PLXNA4: variants seen among roughly 807,000 people sequenced by gnomAD.
PLXNA4 encodes plexin-A4.
In PLXNA4, 44 loss-of-function variants were observed where a neutral mutation model predicts 191.8. That is an observed-to-expected ratio of 0.23 (90% CI 0.18 to 0.29). The LOEUF (loss-of-function observed/expected upper bound fraction) is 0.29. Among genes scored for constraint, PLXNA4 ranks in the 10% least tolerant of loss-of-function variants. PLXNA4 has a pLI of 1.00. For synonymous variants in PLXNA4, 1,082 were observed against 1,009.5 expected (o/e 1.07, Z -1.36); for missense variants, 1,800 against 2,488.8 (o/e 0.72, Z 5.89).
intron 9 of PLXNA4, among the ~76,000 whole-genome samples, chr7:132,216,721 A>G (rs1487577057): frequency 2.6e-5 from 4 of 152,202 alleles, no homozygotes; most frequent in Non-Finnish European, 5.9e-5. Flanking sequence ...TTCTAGATAA[A>G]GACACTAAGG....
At chr7:132,563,802 CCTT>C (rs1641912770) in intron 1 of PLXNA4, among the ~76,000 whole-genome samples, 2 of 99,506 alleles carry the variant, frequency 2.0e-5, no homozygotes, top group Non-Finnish European at 4.2e-5. Context: ...TTCTCCTCCT[CCTT>C]CTCCTCCTCC....
intron 27 of PLXNA4, among the ~76,000 whole-genome samples, chr7:132,147,264 T>A (rs1410038515): frequency 6.6e-6 from 1 of 152,272 alleles, no homozygotes; most frequent in East Asian, 1.9e-4. Flanking sequence ...GCGGTCCTAC[T>A]GTGTGCAGGC....
At chr7:132,550,211 C>T (rs1000436958) in intron 1 of PLXNA4, among the ~76,000 whole-genome samples, 2 of 152,156 alleles carry the variant, frequency 1.3e-5, no homozygotes, top group African/African-American at 4.8e-5. Flanking sequence ...CCCTGACCCC[C>T]ACAGCATGGT....
chr7:132,175,138 T>C (rs1204214283), intron 20 of PLXNA4, among the ~76,000 whole-genome samples: 3 of 152,180 alleles, frequency 2.0e-5, no homozygotes, highest in South Asian at 2.1e-4. Context: ...AAACCTTGTC[T>C]TGGGGCTAAA....
chr7:132,253,493 T>C (rs954822665), intron 4 of PLXNA4, among the ~76,000 whole-genome samples: 3 of 152,020 alleles, frequency 2.0e-5, no homozygotes, highest in African/African-American at 7.2e-5. Flanking sequence ...GATCTGACTG[T>C]CTTGACCTTC....
At chr7:132,190,395 C>T (rs928705349) in intron 14 of PLXNA4, among the ~76,000 whole-genome samples, 1 of 152,178 alleles carries the variant, frequency 6.6e-6, no homozygotes, top group Non-Finnish European at 1.5e-5. Flanking sequence ...GAGCTGAGTG[C>T]ATTGGTACAT....
At chr7:132,645,012 T>C (rs1803839272) in intron 2 of PLXNA4, among the ~76,000 whole-genome samples, 1 of 152,200 alleles carries the variant, frequency 6.6e-6, no homozygotes, top group African/African-American at 2.4e-5. Context: ...CCACACCCAG[T>C]GGCTCTGGGT....
At chr7:132,302,420 G>A (rs1288244320) in intron 3 of PLXNA4, among the ~76,000 whole-genome samples, 5 of 152,044 alleles carry the variant, frequency 3.3e-5, no homozygotes, top group African/African-American at 1.2e-4. Context: ...CCAATACATG[G>A]TTGGTGCTTA....
chr7:132,551,129 C>T (rs1050122007), intron 1 of PLXNA4, among the ~76,000 whole-genome samples: 2 of 152,200 alleles, frequency 1.3e-5, no homozygotes, highest in Middle Eastern at 3.2e-3. Context: ...GACAATTCCC[C>T]AACACTCAAA....
intron 3 of PLXNA4, among the ~76,000 whole-genome samples, chr7:132,411,163 A>G (rs1167881893): frequency 6.6e-6 from 1 of 152,200 alleles, no homozygotes; most frequent in Non-Finnish European, 1.5e-5. Flanking sequence ...TTTAACTTCT[A>G]ATTAATGAGT....
chr7:132,343,170 T>C (rs1803106033), intron 3 of PLXNA4, among the ~76,000 whole-genome samples: 1 of 151,988 alleles, frequency 6.6e-6, no homozygotes, highest in Non-Finnish European at 1.5e-5. Flanking sequence ...TTTGAAATAA[T>C]ACAAATTAGA....
chr7:132,181,667 C>A, intron 17 of PLXNA4, 47 bp from the exon 18 acceptor site: 1 of 1,601,574 alleles, frequency 6.2e-7, no homozygotes. Context: ...TCTCCACATA[C>A]CCACAGCCCC....
chr7:132,520,420 G>A (rs1266143472), intron 1 of PLXNA4, among the ~76,000 whole-genome samples: 1 of 152,186 alleles, frequency 6.6e-6, no homozygotes, highest in Non-Finnish European at 1.5e-5. Flanking sequence ...CTGAGGACCT[G>A]GGTCCGCAGC....
chr7:132,435,894 C>T (rs888186949), intron 3 of PLXNA4, among the ~76,000 whole-genome samples: 1 of 152,198 alleles, frequency 6.6e-6, no homozygotes, highest in East Asian at 1.9e-4. Context: ...AGCAGCCAGC[C>T]AGTAGGTACC....
In PLXNA4 at chr7:132,221,381, GC is replaced by G. The variant is rs139871936; in HGVS notation, c.2097+2145del. Among the ~76,000 whole-genome samples, 234 of 152,300 alleles carry G rather than the reference GC, an allele frequency of 1.5e-3. 1 individual carries two copies. Among genetic ancestry groups the G allele is most frequent in the African/African-American group, 5.5e-3 (228 of 41,568 alleles). On this transcript the variant is annotated intron_variant, in intron 9 of 31. Transcript: ENST00000321063. The stretch of plus-strand genomic sequence containing the variant: ...GCACATAGAACCTCTGCCAGATATG[GC>G]AGTCTGGAAAGCTGGAGAGAAGCTG...
intron 3 of PLXNA4, among the ~76,000 whole-genome samples, chr7:132,317,273 T>C (rs1441883535): frequency 1.3e-5 from 2 of 151,632 alleles, no homozygotes; most frequent in Non-Finnish European, 2.9e-5. Context: ...TTGGGTTGGA[T>C]TGGATTGGAT....
At chr7:132,563,235 C>T (rs1261856131) in intron 1 of PLXNA4, among the ~76,000 whole-genome samples, 6 of 116,198 alleles carry the variant, frequency 5.2e-5, no homozygotes, top group Non-Finnish European at 1.1e-4. Flanking sequence ...TCCTCTTTCT[C>T]CTCCTCCTCC....
intron 4 of PLXNA4, among the ~76,000 whole-genome samples, chr7:132,242,045 A>G (rs764578341): frequency 4.6e-5 from 7 of 152,300 alleles, no homozygotes; most frequent in Admixed American, 6.5e-5. Context: ...CTTGCTACAT[A>G]GTAGGTATTT....
rs180981678 is a variant in PLXNA4, at chr7:132,481,639, C to T, written c.1371+7653G>A. Among the ~76,000 whole-genome samples the T allele has an allele frequency of 2.4e-3, 367 of 152,340 alleles. 1 individual carries two copies. The highest frequency in any genetic ancestry group is 3.8e-3 in the Non-Finnish European group (261 of 68,038). On this transcript the variant is annotated intron_variant, in intron 3 of 31. Transcript: ENST00000321063. The stretch of plus-strand genomic sequence containing the variant: ...TAGTTCCCTCTGCACCACCTCTTTT[C>T]TGCCAGCCCCAAACACTAAGGAAAC...
Sources: gnomAD v4.1 joint callset for allele counts (sites outside exome capture counted in the v4.1 genomes callset) on GRCh38, gnomAD v4.1.1 for gene constraint, MANE v1.5 for transcripts, NCBI Gene and HGNC (gene_info 2026-07-23, HGNC 2026-07-21) for gene names.